The following PRKCE variants were observed in gnomAD, a reference collection of about 807,000 sequenced individuals.
PRKCE encodes protein kinase C epsilon type.
A neutral mutation model predicts 85.4 loss-of-function variants in PRKCE; 16 were observed. That is an observed-to-expected ratio of 0.19 (90% CI 0.13 to 0.28). The LOEUF (loss-of-function observed/expected upper bound fraction) is 0.28. PRKCE is among the 10% of genes least tolerant of loss of function. PRKCE has a pLI of 1.00. For missense variants in PRKCE, 573 were observed against 975.2 expected (o/e 0.59, Z 5.49); for synonymous variants, 388 against 371.5 (o/e 1.04, Z -0.51).
intron 9 of PRKCE, among the ~76,000 whole-genome samples, chr2:46,009,389 C>T (rs993891325): frequency 2.3e-4 from 35 of 152,106 alleles, no homozygotes; most frequent in African/African-American, 6.5e-4. Flanking sequence ...ACAAAGGAGA[C>T]GTGAATAATT....
Position 45,786,726 on chromosome 2 carries a change from C to T in PRKCE, c.349-56274C>T, listed in dbSNP as rs796099748. 5.9e-5 allele frequency among the ~76,000 whole-genome samples: 9 copies of T among 152,322 alleles called. No homozygotes were observed. Among genetic ancestry groups the T allele is most frequent in the African/African-American group, 1.9e-4 (8 of 41,570 alleles). On this transcript the variant is annotated intron_variant, in intron 1 of 14. Transcript: ENST00000306156. This position sits in a 1 kb window ranked among gnomAD's most constrained non-coding sequence, Gnocchi z 5.3. Reference sequence around the variant, plus strand: ...TACTGGGGGTTCACCCTGTGCCAAGCAGGCTCTGAGTGCTGTGTACAGCCT... The same window carrying T: ...TACTGGGGGTTCACCCTGTGCCAAGTAGGCTCTGAGTGCTGTGTACAGCCT...
intron 1 of PRKCE, among the ~76,000 whole-genome samples, chr2:45,750,297 C>T (rs1683450850): frequency 6.6e-6 from 1 of 152,236 alleles, no homozygotes; most frequent in South Asian, 2.1e-4. Flanking sequence ...CTCCCTCCCC[C>T]AGCCCCTGGG....
At chr2:45,837,045 C>T (rs1159789303) in intron 1 of PRKCE, among the ~76,000 whole-genome samples, 1 of 152,184 alleles carries the variant, frequency 6.6e-6, no homozygotes, top group Non-Finnish European at 1.5e-5. Context: ...TATATTAGAC[C>T]TCCCTTCCCT....
At chr2:46,074,376 ATTTC>A (rs953978334) in intron 10 of PRKCE, among the ~76,000 whole-genome samples, 10 of 139,876 alleles carry the variant, frequency 7.1e-5, no homozygotes, top group African/African-American at 2.6e-4. Context: ...AGTCAGCGAG[ATTTC>A]TTTCTAAGTA....
At chr2:46,104,296 C>CTTTTTTT (rs59018550) in intron 11 of PRKCE, among the ~76,000 whole-genome samples, 3,307 of 118,180 alleles carry the variant, frequency 0.028, 122 homozygotes, top group East Asian at 0.088. Context: ...TCACCTTGTA[C>CTTTTTTT]TTTTTTTTTT....
intron 1 of PRKCE, among the ~76,000 whole-genome samples, chr2:45,780,363 T>C (rs184274097): frequency 1.3e-5 from 2 of 152,366 alleles, no homozygotes; most frequent in East Asian, 3.9e-4. Flanking sequence ...TCCCACATTT[T>C]GGATTTTGCT....
rs1040678270 is a variant in PRKCE, at chr2:45,746,658, G to A, written c.348+94210G>A. Among the ~76,000 whole-genome samples the A allele has an allele frequency of 1.6e-4, 24 of 152,226 alleles. 1 individual carries two copies. Among genetic ancestry groups the A allele is most frequent in the African/African-American group, 3.9e-4 (16 of 41,530 alleles). On this transcript the variant is annotated intron_variant, in intron 1 of 14. Transcript: ENST00000306156. ...TATATCATTGCCCGTAATATTCTCC[G>A]TATTTTCAGTGTCCCGCCTTTCCCA...
intron 10 of PRKCE, among the ~76,000 whole-genome samples, chr2:46,067,853 G>A (rs1667756717): frequency 6.6e-6 from 1 of 152,170 alleles, no homozygotes; most frequent in South Asian, 2.1e-4. Context: ...ACGCAAGGTA[G>A]GGGTACAGTA....
intron 1 of PRKCE, among the ~76,000 whole-genome samples, chr2:45,668,946 C>A (rs578211102): frequency 6.6e-6 from 1 of 152,306 alleles, no homozygotes; most frequent in African/African-American, 2.4e-5. Flanking sequence ...GAATGGGACT[C>A]AGACCTTATT....
At chr2:45,766,012 C>A (rs1434085958) in intron 1 of PRKCE, among the ~76,000 whole-genome samples, 1 of 152,166 alleles carries the variant, frequency 6.6e-6, no homozygotes, top group Non-Finnish European at 1.5e-5. Flanking sequence ...GATCCCCTCC[C>A]CCACCTCCAG....
At chr2:45,942,552 G>C (rs1699960481) in intron 2 of PRKCE, among the ~76,000 whole-genome samples, 1 of 152,176 alleles carries the variant, frequency 6.6e-6, no homozygotes, top group African/African-American at 2.4e-5. Flanking sequence ...TCTCATGAGG[G>C]GAACAGCAGG....
intron 2 of PRKCE, among the ~76,000 whole-genome samples, chr2:45,962,130 T>C (rs1363882651): frequency 6.6e-6 from 1 of 152,192 alleles, no homozygotes; most frequent in African/African-American, 2.4e-5. Flanking sequence ...GATTTTTGGA[T>C]TAGGAAAGTG....
At chr2:45,700,038 A>G (rs1233197307) in intron 1 of PRKCE, among the ~76,000 whole-genome samples, 1 of 151,992 alleles carries the variant, frequency 6.6e-6, no homozygotes, top group African/African-American at 2.4e-5. Flanking sequence ...GGCCCAGCCC[A>G]CCAGTGGAAG....
At chr2:45,835,665 A>G (rs1379132279) in intron 1 of PRKCE, among the ~76,000 whole-genome samples, 1 of 150,786 alleles carries the variant, frequency 6.6e-6, no homozygotes, top group Non-Finnish European at 1.5e-5. Flanking sequence ...ATCATAGCTC[A>G]CTGCAGCCTC....
chr2:45,984,232 C>T (rs747862097), intron 5 of PRKCE, among the ~76,000 whole-genome samples: 1 of 152,122 alleles, frequency 6.6e-6, no homozygotes, highest in Non-Finnish European at 1.5e-5. Flanking sequence ...TCCACTGCAC[C>T]CGGCCTGAGG....
chr2:46,175,234 G>C (rs1466222682), intron 14 of PRKCE, among the ~76,000 whole-genome samples: 2 of 152,192 alleles, frequency 1.3e-5, no homozygotes, highest in Non-Finnish European at 2.9e-5. Flanking sequence ...CACATATTTG[G>C]CTATTTGCCT....
chr2:46,014,381 C>T (rs1705947193), intron 10 of PRKCE, among the ~76,000 whole-genome samples: 1 of 152,086 alleles, frequency 6.6e-6, no homozygotes, highest in Non-Finnish European at 1.5e-5. Context: ...ACTAAAAATC[C>T]CTGGACATAA....
intron 14 of PRKCE, among the ~76,000 whole-genome samples, chr2:46,173,638 G>A (rs761885355): frequency 1.3e-5 from 2 of 152,216 alleles, no homozygotes; most frequent in African/African-American, 2.4e-5. Context: ...GCCTTCCAAA[G>A]GAACCTTCGG....
At chr2:45,841,016 C>A (rs930082625) in intron 1 of PRKCE, among the ~76,000 whole-genome samples, 1 of 152,136 alleles carries the variant, frequency 6.6e-6, no homozygotes, top group African/African-American at 2.4e-5. Flanking sequence ...AGCCTTTTCC[C>A]ACCTCCACGA....
Sources: allele counts gnomAD v4.1 joint callset (sites outside exome capture counted in the v4.1 genomes callset), GRCh38; gene constraint gnomAD v4.1.1; non-coding constraint Gnocchi (gnomAD v3.1); transcripts MANE v1.5; gene names NCBI Gene and HGNC (gene_info 2026-07-23, HGNC 2026-07-21).